Variants in DCC observed in about 807,000 individuals in gnomAD.
DCC encodes the protein netrin receptor DCC.
In DCC, 58 loss-of-function variants were observed where a neutral mutation model predicts 172.5. The ratio of observed to expected loss-of-function variants is 0.34; its 90% CI spans 0.27 to 0.42. The LOEUF is 0.42. DCC is among the 10% of genes least tolerant of loss of function. DCC has a pLI of 1.00. For synonymous variants in DCC, 709 were observed against 644.5 expected (o/e 1.10, Z -1.52); for missense variants, 1,740 against 1,791.0 (o/e 0.97, Z 0.51).
intron 15 of DCC, among the ~76,000 whole-genome samples, chr18:53,368,836 A>T (rs1472236883): frequency 6.6e-6 from 1 of 151,992 alleles, no homozygotes; most frequent in Non-Finnish European, 1.5e-5. Flanking sequence ...TATTTTGATT[A>T]CTGTAGCCTT....
intron 1 of DCC, among the ~76,000 whole-genome samples, chr18:52,467,562 C>A (rs563792610): frequency 1.3e-5 from 2 of 152,180 alleles, no homozygotes; most frequent in Admixed American, 6.5e-5. Context: ...GGTATATACC[C>A]AATAGTGGGA....
intron 12 of DCC, among the ~76,000 whole-genome samples, chr18:53,225,686 A>G (rs182763953): frequency 2.6e-5 from 4 of 152,320 alleles, no homozygotes; most frequent in Admixed American, 6.5e-5. Flanking sequence ...GATTGTAGAA[A>G]AGAAGTCATA....
intron 1 of DCC, among the ~76,000 whole-genome samples, chr18:52,642,651 T>C (rs77984198): frequency 2.6e-5 from 4 of 152,040 alleles, no homozygotes; most frequent in Non-Finnish European, 4.4e-5. Context: ...AAATCTTCAA[T>C]TTTAATTTAA....
At position 52,881,467 on chromosome 18, in the gene DCC, T is replaced by C. The variant is rs139632611; in HGVS notation, c.413-24577T>C. Among the ~76,000 whole-genome samples the C allele has an allele frequency of 1.2e-3, 188 of 152,286 alleles. 1 individual carries two copies. The highest frequency in any genetic ancestry group is 4.2e-3 in the African/African-American group (175 of 41,572). ...GAGTTCCCCAAAAGTTTTACTGTAG[T>C]AGTTTCATAGATTGAAGTCTTACAT... On this transcript the variant is annotated intron_variant, in intron 2 of 28. Coordinates refer to ENST00000442544, the MANE Select transcript of DCC (RefSeq NM_005215.4).
At chr18:52,810,455 A>G (rs1028829318) in intron 2 of DCC, among the ~76,000 whole-genome samples, 1 of 152,220 alleles carries the variant, frequency 6.6e-6, no homozygotes, top group African/African-American at 2.4e-5. Context: ...ACCATGCCCA[A>G]GAACAATAAG....
rs1258460222 is a variant in DCC at position 53,428,951 on chromosome 18, A to T, written c.3164-6193A>T. ...ATTTTATATATAATAAATTATATAT[A>T]ACATATTATATTTTATATATAACAT... On this transcript the variant is annotated intron_variant, in intron 21 of 28. Transcript: ENST00000442544. Among the ~76,000 whole-genome samples the T allele has an allele frequency of 1.2e-4, 7 of 59,432 alleles. 1 individual carries two copies. Among genetic ancestry groups the T allele is most frequent in the African/African-American group, 3.3e-4 (6 of 18,260 alleles). The allele number at this position is 59,432 out of a possible 152,430, so 39.0% of individuals were successfully genotyped here.
At chr18:52,833,020 C>CCCTA (rs2038644902) in intron 2 of DCC, among the ~76,000 whole-genome samples, 1 of 152,060 alleles carries the variant, frequency 6.6e-6, no homozygotes, top group Non-Finnish European at 1.5e-5. Context: ...TATATAACCT[C>CCCTA]TTGTTTAATA....
chr18:53,202,964 A>G (rs2055564071), intron 9 of DCC, among the ~76,000 whole-genome samples: 4 of 152,144 alleles, frequency 2.6e-5, no homozygotes, highest in Admixed American at 2.6e-4. Context: ...TGGCAACAAA[A>G]CCTGACCCTA....
chr18:53,297,869 A>G (rs902360813), intron 12 of DCC, among the ~76,000 whole-genome samples: 2 of 152,238 alleles, frequency 1.3e-5, no homozygotes, highest in Admixed American at 6.5e-5. Context: ...CTTGAAGTCA[A>G]TGAGAAAGCA....
At chr18:52,884,755 C>A (rs1231486335) in intron 2 of DCC, among the ~76,000 whole-genome samples, 5 of 152,142 alleles carry the variant, frequency 3.3e-5, no homozygotes, top group African/African-American at 1.2e-4. Context: ...CTGATGATTA[C>A]AGATGTTCAT....
intron 3 of DCC, 25 bp from the exon 4 acceptor site, chr18:52,923,682 A>G (rs760868603): frequency 1.5e-5 from 23 of 1,557,060 alleles, no homozygotes; most frequent in Non-Finnish European, 1.9e-5. Context: ...CATATATCAT[A>G]TGATACTGTG....
chr18:53,212,500 A>G (rs1053083967), intron 11 of DCC, among the ~76,000 whole-genome samples: 1 of 152,158 alleles, frequency 6.6e-6, no homozygotes, highest in Admixed American at 6.5e-5. Flanking sequence ...AAAATACTGT[A>G]GAAAAAATTC....
intron 1 of DCC, among the ~76,000 whole-genome samples, chr18:52,498,299 A>G (rs1367387435): frequency 1.3e-5 from 2 of 152,116 alleles, no homozygotes; most frequent in South Asian, 2.1e-4. Flanking sequence ...TTGGGCTGCC[A>G]TAAGAAAATA....
chr18:52,830,039 GC>G (rs1447298597), intron 2 of DCC, among the ~76,000 whole-genome samples: 8 of 152,230 alleles, frequency 5.3e-5, no homozygotes, highest in Non-Finnish European at 1.0e-4. Flanking sequence ...GAAAGAGCCA[GC>G]AGGTACAAAG....
chr18:53,460,486 G>T (rs1277528184), intron 24 of DCC, among the ~76,000 whole-genome samples: 1 of 127,870 alleles, frequency 7.8e-6, no homozygotes, highest in Non-Finnish European at 1.6e-5. Context: ...CTGTGTCCAT[G>T]TGTTCTCATT....
chr18:52,381,420 C>A (rs1828815643), intron 1 of DCC, among the ~76,000 whole-genome samples: 1 of 152,102 alleles, frequency 6.6e-6, no homozygotes, highest in Admixed American at 6.6e-5. Flanking sequence ...ATTTGGCCAG[C>A]AGGCTGATAC....
intron 5 of DCC, among the ~76,000 whole-genome samples, chr18:52,961,426 T>A (rs1419130184): frequency 6.6e-6 from 1 of 152,176 alleles, no homozygotes; most frequent in African/African-American, 2.4e-5. Context: ...TATCTTTATA[T>A]GAAAAGTTCA....
At chr18:53,200,667 A>G (rs72923242) in intron 9 of DCC, among the ~76,000 whole-genome samples, 2,406 of 151,998 alleles carry the variant, frequency 0.016, 36 homozygotes, top group Non-Finnish European at 0.024. Flanking sequence ...CCTATAGTCT[A>G]TTTTCCCCCA....
intron 12 of DCC, among the ~76,000 whole-genome samples, chr18:53,261,813 T>A: frequency 6.6e-6 from 1 of 152,214 alleles, no homozygotes; most frequent in Middle Eastern, 3.4e-3. Context: ...ATGAATACCT[T>A]CGTGGGGTCT....
Sources: allele counts gnomAD v4.1 joint callset (sites outside exome capture counted in the v4.1 genomes callset), GRCh38; gene constraint gnomAD v4.1.1; transcripts MANE v1.5; gene names NCBI Gene and HGNC (gene_info 2026-07-23, HGNC 2026-07-21).